RNF2: variants seen among roughly 807,000 people sequenced by gnomAD.
RNF2 encodes ring finger protein 2.
In RNF2, 6 loss-of-function variants were observed where a neutral mutation model predicts 37.2. That is an observed-to-expected ratio of 0.16 (90% CI 0.09 to 0.32). The LOEUF is 0.32. Among genes scored for constraint, RNF2 ranks in the 10% least tolerant of loss-of-function variants. The pLI is 1.00. For synonymous variants in RNF2, 133 were observed against 132.7 expected, an observed-to-expected ratio of 1.00 and a Z score of -0.02; for missense variants, 251 against 404.0, an observed-to-expected ratio of 0.62 and a Z score of 3.25.
intron 1 of RNF2, among the ~76,000 whole-genome samples, chr1:185,051,734 C>CTT (rs34143770): frequency 7.0e-6 from 1 of 142,580 alleles, no homozygotes. Flanking sequence ...TTAACTAATT[C>CTT]TTTTTTTTTT....
At chr1:185,078,350 A>T (rs2102182426) in intron 1 of RNF2, among the ~76,000 whole-genome samples, 1 of 152,236 alleles carries the variant, frequency 6.6e-6, no homozygotes, top group African/African-American at 2.4e-5. Flanking sequence ...GAAGATTACC[A>T]TCTTGGCTTC....
intron 4 of RNF2, among the ~76,000 whole-genome samples, chr1:185,096,267 T>C (rs2102205976): frequency 6.6e-6 from 1 of 152,330 alleles, no homozygotes; most frequent in East Asian, 1.9e-4. Context: ...AAAAGACATA[T>C]AACAGAATTT....
chr1:185,087,339 A>G (rs998904396), intron 1 of RNF2, among the ~76,000 whole-genome samples: 2 of 152,144 alleles, frequency 1.3e-5, no homozygotes, highest in Non-Finnish European at 2.9e-5. Flanking sequence ...GGAAGGGCCA[A>G]AAGTTTCCAT....
intron 1 of RNF2, among the ~76,000 whole-genome samples, chr1:185,055,755 T>G (rs1399939639): frequency 2.0e-5 from 3 of 152,208 alleles, no homozygotes; most frequent in African/African-American, 7.2e-5. Context: ...TATATCAGAT[T>G]CAGAAAATCT....
intron 1 of RNF2, among the ~76,000 whole-genome samples, chr1:185,078,317 A>G (rs142867393): frequency 2.0e-5 from 3 of 152,128 alleles, no homozygotes; most frequent in African/African-American, 7.2e-5. Context: ...TTTGCCCCCA[A>G]ATTAGTCTTA....
At chr1:185,092,573 T>A (rs188946027) in intron 3 of RNF2, among the ~76,000 whole-genome samples, 112 of 152,290 alleles carry the variant, frequency 7.4e-4, no homozygotes, top group African/African-American at 2.6e-3. Flanking sequence ...AATCGCTGAT[T>A]TTTAGACACT....
rs373435775 is a variant in RNF2 at position 185,100,149 on chromosome 1, T to G, written c.910-51T>G. The G allele has an allele frequency of 2.7e-4, 386 of 1,407,814 alleles. 1 individual carries two copies. The highest frequency in any genetic ancestry group is 3.2e-5 in the Non-Finnish European group (33 of 1,022,060). 87.2% of individuals were successfully genotyped at this position (1,407,814 alleles called of 1,614,324 possible). A position where few individuals can be genotyped will look rare whatever the true frequency, so the allele number is the denominator to read the frequency against. ...CTTCCATTTTAGTTTCATTTCATTATTATTGTGGTTTGTGCAGTTTTCATA... is the reference window on the plus strand; with the variant it reads ...CTTCCATTTTAGTTTCATTTCATTAGTATTGTGGTTTGTGCAGTTTTCATA... On this transcript the variant is annotated intron_variant, in intron 6 of 6. Transcript: ENST00000367510.
At chr1:185,093,731 G>T (rs753166572) in intron 4 of RNF2, among the ~76,000 whole-genome samples, 8 of 152,102 alleles carry the variant, frequency 5.3e-5, no homozygotes, top group Admixed American at 6.5e-5. Flanking sequence ...TTCTTCACCT[G>T]GCTTTCAGGA....
At chr1:185,096,056 A>G (rs1651902324) in intron 4 of RNF2, among the ~76,000 whole-genome samples, 1 of 152,204 alleles carries the variant, frequency 6.6e-6, no homozygotes, top group African/African-American at 2.4e-5. Context: ...TGTCACATCA[A>G]TCCTTTTTTG....
At chr1:185,048,811 A>G (rs1351132927) in intron 1 of RNF2, among the ~76,000 whole-genome samples, 1 of 152,180 alleles carries the variant, frequency 6.6e-6, no homozygotes, top group African/African-American at 2.4e-5. Context: ...AGGCAGAACA[A>G]CATACCAATA....
intron 1 of RNF2, among the ~76,000 whole-genome samples, chr1:185,065,179 T>C (rs550889146): frequency 6.6e-6 from 1 of 152,222 alleles, no homozygotes; most frequent in Admixed American, 6.5e-5. Flanking sequence ...CCTCTGTGTC[T>C]AGCTAAAGGA....
intron 2 of RNF2, 48 bp from the exon 3 acceptor site, chr1:185,091,531 A>G (rs1651765106): frequency 7.6e-6 from 12 of 1,575,418 alleles, no homozygotes; most frequent in South Asian, 1.1e-5. Flanking sequence ...GAGCTTGTCC[A>G]TAATAAAAAA....
chr1:185,072,376 C>T (rs1342109287), intron 1 of RNF2, among the ~76,000 whole-genome samples: 1 of 151,732 alleles, frequency 6.6e-6, no homozygotes, highest in Non-Finnish European at 1.5e-5. Context: ...CTACTATATG[C>T]CAGGTACAGT....
Position 185,093,054 on chromosome 1 carries a change from T to C in RNF2, c.249-7T>C, listed in dbSNP as rs760823947. The C allele has an allele frequency of 8.7e-6, 14 of 1,613,338 alleles. No individual in the cohort carries two copies. Among genetic ancestry groups the C allele is most frequent in the African/African-American group, 1.3e-5 (1 of 74,926 alleles). On this transcript the variant is annotated splice_region_variant and splice_polypyrimidine_tract_variant and intron_variant, in intron 3 of 6. Coordinates refer to ENST00000367510, the MANE Select transcript of RNF2 (RefSeq NM_007212.4). ...GTTTACATTTGCTTTCCCCTCCTTTTATTTAGCAACAAAGAATGTCCTACC... is the reference window on the plus strand; with the variant it reads ...GTTTACATTTGCTTTCCCCTCCTTTCATTTAGCAACAAAGAATGTCCTACC...
intron 1 of RNF2, among the ~76,000 whole-genome samples, chr1:185,051,517 T>G (rs1159210027): frequency 6.6e-6 from 1 of 152,196 alleles, no homozygotes; most frequent in Non-Finnish European, 1.5e-5. Flanking sequence ...ATGGTAAGTT[T>G]AAGGGGTGTA....
At chr1:185,062,225 T>C (rs1650627984) in intron 1 of RNF2, among the ~76,000 whole-genome samples, 1 of 152,210 alleles carries the variant, frequency 6.6e-6, no homozygotes, top group South Asian at 2.1e-4. Flanking sequence ...GTTCATATTT[T>C]GTAACCTTAT....
intron 1 of RNF2, among the ~76,000 whole-genome samples, chr1:185,082,872 C>T (rs1198124813): frequency 6.6e-6 from 1 of 152,112 alleles, no homozygotes. Context: ...AGCAAAAAAA[C>T]ATAAAGTGAG....
chr1:185,052,878 C>T (rs150728958), intron 1 of RNF2, among the ~76,000 whole-genome samples: 30 of 152,230 alleles, frequency 2.0e-4, no homozygotes, highest in African/African-American at 7.2e-4. Context: ...CAAGTAATGA[C>T]GGTGATAATA....
chr1:185,050,627 C>A (rs937766490), intron 1 of RNF2, among the ~76,000 whole-genome samples: 2 of 152,112 alleles, frequency 1.3e-5, no homozygotes, highest in Non-Finnish European at 2.9e-5. Flanking sequence ...TTGATCATTA[C>A]CTTTTTAGAC....
Sources: gnomAD v4.1 joint callset for allele counts (sites outside exome capture counted in the v4.1 genomes callset) on GRCh38, gnomAD v4.1.1 for gene constraint, MANE v1.5 for transcripts, NCBI Gene and HGNC (gene_info 2026-07-23, HGNC 2026-07-21) for gene names.